Variants in ITGAX observed in about 807,000 individuals in gnomAD.
ITGAX encodes integrin alpha-X.
ITGAX carries 99 observed loss-of-function variants against 140.2 expected under a neutral mutation model. The observed-to-expected ratio is 0.71, with a 90% confidence interval of 0.60 to 0.83. The LOEUF is 0.83. ITGAX is among the 40% of genes least tolerant of loss of function. The pLI is 0.00. For synonymous variants in ITGAX, 631 were observed against 600.4 expected (o/e 1.05, Z -0.75); for missense variants, 1,444 against 1,482.0 (o/e 0.97, Z 0.42).
chr16:31,363,452 C>T (rs1001159391), intron 14 of ITGAX, 78 bp downstream of exon 14: 10 of 1,513,212 alleles, frequency 6.6e-6, no homozygotes, highest in Non-Finnish European at 9.2e-6. Flanking sequence ...GAAAACTGTC[C>T]CTTTTTACCT....
intron 17 of ITGAX, 50 bp downstream of exon 17, chr16:31,371,834 G>A (rs772112248): frequency 6.3e-7 from 1 of 1,594,876 alleles, no homozygotes; most frequent in Non-Finnish European, 8.5e-7. Context: ...GCTGGCAGAA[G>A]GCAGGGCAGG....
chr16:31,371,411 G>C lies in ITGAX; in HGVS notation c.1919G>C (p.Arg640Pro). ...ATCCCCAGGTCTGCGTTTGAGTGTCGGGAGCAGGTGGTCTCTGAGCAGACC... is the reference window on the plus strand; with the variant it reads ...ATCCCCAGGTCTGCGTTTGAGTGTCCGGAGCAGGTGGTCTCTGAGCAGACC... ...AEIPRSAFEC[R>P]EQVVSEQTLV... is the part of the protein sequence containing the mutation. The change falls in exon 16 of 30, where the codon CGG becomes CCG. Residue 640 changes from arginine (R) to proline (P), a missense_variant. Coordinates refer to ENST00000268296, the MANE Select transcript of ITGAX (RefSeq NM_000887.5). 1 of 1,614,162 alleles carries C rather than the reference G, an allele frequency of 6.2e-7. No individual in the cohort carries two copies. Among genetic ancestry groups the C allele is most frequent in the Non-Finnish European group, 8.5e-7 (1 of 1,180,024 alleles).
At chr16:31,372,056 T>C (rs1054866393) in intron 17 of ITGAX, among the ~76,000 whole-genome samples, 2 of 152,150 alleles carry the variant, frequency 1.3e-5, no homozygotes, top group African/African-American at 4.8e-5. Context: ...TGGGCTTTTT[T>C]TCAGGCATTC....
intron 1 of ITGAX, 51 bp from the exon 2 acceptor site, chr16:31,355,842 C>G (rs1356239007): frequency 7.1e-7 from 1 of 1,414,074 alleles, no homozygotes; most frequent in Admixed American, 1.8e-5. Flanking sequence ...GGAGGGCAGC[C>G]AGGCAGAAGG....
intron 17 of ITGAX, 29 bp from the exon 18 acceptor site, chr16:31,372,349 C>G (rs1244934577): frequency 6.3e-7 from 1 of 1,584,660 alleles, no homozygotes; most frequent in Non-Finnish European, 8.5e-7. Context: ...TCCCCTTACC[C>G]TCCGCTCCCC....
rs188273417 is a variant in ITGAX, at chr16:31,370,971, A to G, written c.1711-113A>G. On this transcript the variant is annotated intron_variant, in intron 14 of 29. Transcript: ENST00000268296. Reference sequence around the variant, plus strand: ...TTCTTCTTGGTGACATCTGTTCACAACTCACCCCTTCTCTCCCTTTCCGAT... The same window carrying G: ...TTCTTCTTGGTGACATCTGTTCACAGCTCACCCCTTCTCTCCCTTTCCGAT... 1.5e-3 allele frequency: 2,026 copies of G among 1,347,814 alleles called. 4 individuals carry two copies. Among genetic ancestry groups the G allele is most frequent in the Middle Eastern group, 1.8e-3 (7 of 3,862 alleles). 83.5% of individuals were successfully genotyped at this position (1,347,814 alleles called of 1,614,324 possible). A position where few individuals can be genotyped will look rare whatever the true frequency, so the allele number is the denominator to read the frequency against.
At chr16:31,366,385 T>C (rs1432549767) in intron 14 of ITGAX, among the ~76,000 whole-genome samples, 1 of 152,188 alleles carries the variant, frequency 6.6e-6, no homozygotes. Flanking sequence ...CACTGATAGC[T>C]CCCCTGTCTC....
At chr16:31,360,675 A>C (rs2080814527) in intron 8 of ITGAX, 4 of 560,212 alleles carry the variant, frequency 7.1e-6, no homozygotes, top group African/African-American at 3.8e-5. Flanking sequence ...GTGTGCCATC[A>C]AGCCTGGCTA....
At chr16:31,375,951 AT>A (rs1706132359) in intron 20 of ITGAX, among the ~76,000 whole-genome samples, 1 of 152,218 alleles carries the variant, frequency 6.6e-6, no homozygotes, top group Non-Finnish European at 1.5e-5. Flanking sequence ...CATGACCAGT[AT>A]ATTGGTATAT....
intron 20 of ITGAX, 126 bp from the exon 21 acceptor site, chr16:31,376,673 A>G (rs2081021898): frequency 1.2e-6 from 1 of 808,508 alleles, no homozygotes; most frequent in Non-Finnish European, 2.0e-6. Flanking sequence ...GGGCTCCAGG[A>G]AGCTTTATCA....
At chr16:31,371,576 C>T (rs2080961026) in intron 16 of ITGAX, 54 bp from the exon 17 acceptor site, 5 of 1,611,262 alleles carry the variant, frequency 3.1e-6, no homozygotes, top group Admixed American at 1.7e-5. Flanking sequence ...CCACCCTGCT[C>T]ATTGTCCACC....
intron 8 of ITGAX, 81 bp from the exon 9 acceptor site, chr16:31,360,982 G>A: frequency 7.5e-7 from 1 of 1,335,622 alleles, no homozygotes; most frequent in Non-Finnish European, 1.1e-6. Flanking sequence ...ATCTTGTGGG[G>A]TTATTGGAAG....
chr16:31,378,561 T>C (rs1163576416), intron 23 of ITGAX, among the ~76,000 whole-genome samples: 2 of 151,620 alleles, frequency 1.3e-5, no homozygotes, highest in African/African-American at 4.8e-5. Context: ...TGAACTCCTC[T>C]TGGGCTCAAG....
intron 14 of ITGAX, 72 bp from the exon 15 acceptor site, chr16:31,371,012 T>G: frequency 1.3e-6 from 2 of 1,595,108 alleles, no homozygotes; most frequent in Non-Finnish European, 1.7e-6. Context: ...TACCTCCATA[T>G]TCCCCTTGTT....
intron 18 of ITGAX, 41 bp downstream of exon 18, chr16:31,372,550 G>A (rs576056590): frequency 8.1e-6 from 13 of 1,613,758 alleles, no homozygotes; most frequent in East Asian, 2.2e-5. Flanking sequence ...GGTGCACAGC[G>A]TGGGGCCTGG....
intron 5 of ITGAX, 51 bp downstream of exon 5, chr16:31,357,415 G>T (rs1265849165): frequency 8.4e-7 from 1 of 1,190,150 alleles, no homozygotes; most frequent in Non-Finnish European, 1.2e-6. Context: ...CATCCAATTG[G>T]GGGTGCGGTG....
Position 31,356,652 on chromosome 16 carries a change from A to G in ITGAX, c.171A>G (p.Ile57Met). ...SWVVVGAPQKITAANQTGGLY... is the reference protein window; with the variant it reads ...SWVVVGAPQKMTAANQTGGLY... ...TGGTGGTTGGAGCCCCCCAAAAGAT[A>G]ACAGCTGCCAACCAAACGGGTGGCC... The change falls in exon 3 of 30, where the codon ATA becomes ATG. Residue 57 changes from isoleucine to methionine, a missense_variant. Physicochemically the swap from Ile to Met is conservative, Grantham distance 10. Coordinates refer to ENST00000268296, the MANE Select transcript of ITGAX (RefSeq NM_000887.5). The G allele has an allele frequency of 6.2e-7, 1 of 1,601,126 alleles. No individual in the cohort carries two copies. Among genetic ancestry groups the G allele is most frequent in the South Asian group, 1.1e-5 (1 of 88,378 alleles).
Position 31,371,502 on chromosome 16 carries a change from G to GT in ITGAX, c.2005+6dup. ...CTAAGAACCTGCTTGGGAGCCGTGA[G>GT]TCCCCTCCCCTCCAACCCAGGACAC... is the stretch of plus-strand genomic sequence containing the variant. On this transcript the variant is annotated splice_donor_region_variant and intron_variant, in intron 16 of 29. Coordinates refer to ENST00000268296, the MANE Select transcript of ITGAX (RefSeq NM_000887.5). 6.2e-7 allele frequency: 1 copy of GT among 1,613,570 alleles called. No homozygotes were observed. Among genetic ancestry groups the GT allele is most frequent in the Non-Finnish European group, 8.5e-7 (1 of 1,179,558 alleles).
chr16:31,376,950 G>A (rs1262780440), intron 21 of ITGAX, 35 bp downstream of exon 21: 2 of 1,613,410 alleles, frequency 1.2e-6, no homozygotes, highest in Admixed American at 3.3e-5. Flanking sequence ...CTGCTCCCCT[G>A]CCCCACCCTG....
Sources: allele counts gnomAD v4.1 joint callset (sites outside exome capture counted in the v4.1 genomes callset), GRCh38; gene constraint gnomAD v4.1.1; transcripts MANE v1.5; gene names NCBI Gene and HGNC (gene_info 2026-07-23, HGNC 2026-07-21).